STT3B: variants seen among roughly 807,000 people sequenced by gnomAD.
STT3B encodes STT3 oligosaccharyltransferase complex catalytic subunit B.
Under a neutral mutation model 96.8 loss-of-function variants are expected in STT3B, and 29 were observed. That is an observed-to-expected ratio of 0.30 (90% CI 0.22 to 0.41). The LOEUF is 0.41. STT3B is among the 10% of genes least tolerant of loss of function. STT3B has a pLI of 1.00. For synonymous variants in STT3B, 367 were observed against 360.0 expected, an observed-to-expected ratio of 1.02 and a Z score of -0.22; for missense variants, 640 against 1,022.3, an observed-to-expected ratio of 0.63 and a Z score of 5.10.
chr3:31,559,405 T>C (rs1697808629), intron 1 of STT3B, among the ~76,000 whole-genome samples: 1 of 151,830 alleles, frequency 6.6e-6, no homozygotes, highest in African/African-American at 2.4e-5. Context: ...TTTAGATTTT[T>C]GTTTGTTCCA....
At position 31,609,382 on chromosome 3, in the gene STT3B, A is replaced by G. The variant is rs543952842; in HGVS notation, c.878-5723A>G. Among the ~76,000 whole-genome samples, 17 of 152,284 alleles carry G rather than the reference A, an allele frequency of 1.1e-4. No homozygotes were observed. In the East Asian group the frequency reaches 3.1e-3, roughly 28 times the overall value. ...AAGTTACATAAAAATTATATATTCC[A>G]TGAGTTTTTCATAGTCTCCAAACAC... is the stretch of plus-strand genomic sequence containing the variant. On this transcript the variant is annotated intron_variant, in intron 5 of 15. Transcript: ENST00000295770.
chr3:31,614,152 GTA>G (rs1699250771), intron 5 of STT3B, among the ~76,000 whole-genome samples: 1 of 151,984 alleles, frequency 6.6e-6, no homozygotes, highest in Non-Finnish European at 1.5e-5. Context: ...ATGCTACACA[GTA>G]TATAGGATAC....
chr3:31,624,849 G>A (rs1699501996), intron 11 of STT3B, 65 bp from the exon 12 acceptor site: 2 of 1,336,676 alleles, frequency 1.5e-6, no homozygotes, highest in Admixed American at 1.9e-5. Context: ...AATACCTCAA[G>A]ATTTTAAGTT....
At position 31,533,151 on chromosome 3, in the gene STT3B, G is replaced by C. The variant is rs1352764626; in HGVS notation, c.153G>C (p.Pro51=). 3.9e-6 allele frequency: 5 copies of C among 1,295,486 alleles called. No individual in the cohort carries two copies. The highest frequency in any genetic ancestry group is 4.2e-5 in the Admixed American group (1 of 23,724). 80.2% of individuals were successfully genotyped at this position (1,295,486 alleles called of 1,614,324 possible). The change falls in exon 1 of 16, where the codon CCG becomes CCC. Residue 51 remains proline, a synonymous_variant. Transcript: ENST00000295770. The part of the protein sequence containing the change: ...AHKAAGGAAP[P]KPAPAGLSGG... ...AGGCGGCGGGCGGCGCGGCGCCGCC[G>C]AAGCCGGCCCCGGCGGGGCTGTCCG...
intron 3 of STT3B, among the ~76,000 whole-genome samples, chr3:31,594,478 G>A (rs1011879956): frequency 6.6e-6 from 1 of 151,512 alleles, no homozygotes; most frequent in Non-Finnish European, 1.5e-5. Context: ...TCCACAGGCT[G>A]GAATGCAGTG....
chr3:31,573,192 A>T (rs1698197718), intron 1 of STT3B, among the ~76,000 whole-genome samples: 1 of 152,146 alleles, frequency 6.6e-6, no homozygotes. Context: ...AGAGTTATGT[A>T]TGAGGTAGAC....
intron 5 of STT3B, 102 bp downstream of exon 5, chr3:31,600,561 G>T: frequency 2.0e-6 from 1 of 497,650 alleles, no homozygotes. Flanking sequence ...TGCATGAAAA[G>T]GTAAAAATAA....
intron 5 of STT3B, among the ~76,000 whole-genome samples, chr3:31,614,357 C>T (rs947302920): frequency 1.3e-5 from 2 of 152,002 alleles, no homozygotes; most frequent in South Asian, 2.1e-4. Flanking sequence ...TAATCAATTG[C>T]GTAACAGTGG....
In STT3B at chr3:31,616,988, A is replaced by G. The variant is rs749865173; in HGVS notation, c.1036A>G (p.Lys346Glu). Residue 346 changes from lysine to glutamate, a missense_variant, in exon 7 of 16, where the codon AAA (lysine) becomes GAA (glutamate). Lys to Glu is a moderately conservative substitution (Grantham distance 56). Transcript: ENST00000295770. ...FLQYLRDRLT[K>E]QEFQTLFFLG... The stretch of plus-strand genomic sequence containing the variant: ...GCAGTATCTGAGAGACCGATTAACA[A>G]AACAAGAGTTCCAGACCCTTTTCTT... The G allele has an allele frequency of 6.2e-7, 1 of 1,612,234 alleles. No individual in the cohort carries two copies. The highest frequency in any genetic ancestry group is 1.7e-5 in the Admixed American group (1 of 59,990).
At chr3:31,541,358 T>C (rs1019835606) in intron 1 of STT3B, among the ~76,000 whole-genome samples, 3 of 152,172 alleles carry the variant, frequency 2.0e-5, no homozygotes, top group African/African-American at 7.2e-5. Context: ...CCTTCCTTTT[T>C]CTCATAGGTG....
Position 31,637,193 on chromosome 3 carries a change from A to G in STT3B, c.*1129A>G, listed in dbSNP as rs769241067. On this transcript the variant is annotated 3_prime_UTR_variant, in exon 16 of 16. Coordinates refer to ENST00000295770, the MANE Select transcript of STT3B (RefSeq NM_178862.3). ...CTTTCCAGCTTATAGGCAACTTTAT[A>G]CAGACTTGAACATTTTCTCCAGTTG... 6.6e-6 allele frequency: 1 copy of G among 152,198 alleles called. No individual in the cohort carries two copies. Among genetic ancestry groups the G allele is most frequent in the Non-Finnish European group, 1.5e-5 (1 of 68,018 alleles). 9.4% of individuals were successfully genotyped at this position (152,198 alleles called of 1,614,324 possible).
intron 7 of STT3B, among the ~76,000 whole-genome samples, chr3:31,617,605 C>G (rs1241119239): frequency 6.6e-6 from 1 of 151,920 alleles, no homozygotes; most frequent in Non-Finnish European, 1.5e-5. Context: ...CCCTGCCCCC[C>G]GTTTATTTTA....
chr3:31,562,064 G>A (rs1482350983), intron 1 of STT3B, among the ~76,000 whole-genome samples: 1 of 152,124 alleles, frequency 6.6e-6, no homozygotes, highest in Admixed American at 6.5e-5. Flanking sequence ...TTTGGCCCGA[G>A]GGCAGCTTAT....
chr3:31,607,761 G>T (rs7648193), intron 5 of STT3B, among the ~76,000 whole-genome samples: 20,220 of 147,566 alleles, frequency 0.14, 1,619 homozygotes, highest in East Asian at 0.36. Context: ...GGGTTGTTGT[G>T]GTTGTTGTTG....
intron 2 of STT3B, 140 bp from the exon 3 acceptor site, chr3:31,579,669 T>C (rs1575424001): frequency 1.5e-6 from 1 of 656,660 alleles, no homozygotes; most frequent in East Asian, 2.9e-5. Context: ...TTTTGTAGTT[T>C]ATAAAGAAGG....
At chr3:31,626,702 C>T (rs572932873) in intron 13 of STT3B, among the ~76,000 whole-genome samples, 3 of 152,260 alleles carry the variant, frequency 2.0e-5, no homozygotes, top group Admixed American at 6.5e-5. Flanking sequence ...AAAATGGTGA[C>T]CGAGGCCGAC....
chr3:31,539,298 T>C (rs911588805), intron 1 of STT3B, among the ~76,000 whole-genome samples: 2 of 152,190 alleles, frequency 1.3e-5, no homozygotes, highest in African/African-American at 4.8e-5. Flanking sequence ...CTGTGGAATT[T>C]AATGTTGCAA....
At chr3:31,566,190 T>C (rs1016215137) in intron 1 of STT3B, among the ~76,000 whole-genome samples, 1 of 152,174 alleles carries the variant, frequency 6.6e-6, no homozygotes, top group Non-Finnish European at 1.5e-5. Context: ...GTTTGAAATC[T>C]TTAAGGTTCG....
At chr3:31,561,498 C>G (rs900327801) in intron 1 of STT3B, among the ~76,000 whole-genome samples, 3 of 152,044 alleles carry the variant, frequency 2.0e-5, no homozygotes, top group African/African-American at 4.8e-5. Flanking sequence ...ATTGTGCTAT[C>G]AAATAGGTCT....
Sources: gnomAD v4.1 joint callset for allele counts (sites outside exome capture counted in the v4.1 genomes callset) on GRCh38, gnomAD v4.1.1 for gene constraint, MANE v1.5 for transcripts, NCBI Gene and HGNC (gene_info 2026-07-23, HGNC 2026-07-21) for gene names.